Variants in MDGA2 observed in about 807,000 individuals in gnomAD.
The protein encoded by MDGA2 is MAM domain-containing glycosylphosphatidylinositol anchor protein 2.
Under a neutral mutation model 117.8 loss-of-function variants are expected in MDGA2, and 40 were observed. That is an observed-to-expected ratio of 0.34 (90% CI 0.26 to 0.44). MDGA2 has a LOEUF of 0.44. MDGA2 is among the 20% of genes least tolerant of loss of function. MDGA2 has a pLI of 1.00. For missense variants in MDGA2, 1,123 were observed against 1,250.6 expected (o/e 0.90, Z 1.54); for synonymous variants, 452 against 439.0 (o/e 1.03, Z -0.37).
At chr14:46,935,236 C>T (rs1884736232) in intron 9 of MDGA2, among the ~76,000 whole-genome samples, 3 of 152,040 alleles carry the variant, frequency 2.0e-5, no homozygotes, top group Non-Finnish European at 1.5e-5. Context: ...CAGCACAAAT[C>T]GCCCATTTTG....
At chr14:47,171,804 G>A (rs887679985) in intron 3 of MDGA2, among the ~76,000 whole-genome samples, 2 of 152,134 alleles carry the variant, frequency 1.3e-5, no homozygotes, top group Non-Finnish European at 2.9e-5. Flanking sequence ...TCAGGACAGT[G>A]GGTGCAGCAC....
chr14:47,227,595 A>G (rs1594739602), intron 2 of MDGA2, among the ~76,000 whole-genome samples: 1 of 152,308 alleles, frequency 6.6e-6, no homozygotes, highest in East Asian at 1.9e-4. Context: ...CATTAAGGCA[A>G]GGACTATTCG....
At chr14:47,115,052 T>G (rs1881252249) in intron 5 of MDGA2, among the ~76,000 whole-genome samples, 1 of 151,320 alleles carries the variant, frequency 6.6e-6, no homozygotes, top group Non-Finnish European at 1.5e-5. Context: ...ACATAAGAAG[T>G]GGACAAAAGG....
intron 1 of MDGA2, among the ~76,000 whole-genome samples, chr14:47,364,314 G>T (rs1027700320): frequency 6.6e-6 from 1 of 152,166 alleles, no homozygotes; most frequent in African/African-American, 2.4e-5. Context: ...GCACAGGCTA[G>T]AGTGCAGGGA....
chr14:46,932,159 C>T (rs1021474471), intron 9 of MDGA2, among the ~76,000 whole-genome samples: 15 of 151,224 alleles, frequency 9.9e-5, no homozygotes, highest in African/African-American at 3.6e-4. Context: ...GCATAAAGAA[C>T]GATAGCTATT....
At chr14:47,386,825 C>A (rs143441766) in intron 1 of MDGA2, among the ~76,000 whole-genome samples, 1 of 152,216 alleles carries the variant, frequency 6.6e-6, no homozygotes, top group African/African-American at 2.4e-5. Flanking sequence ...AGGCACACTG[C>A]CTGGCTTCAG....
chr14:47,093,643 C>T (rs1430320760), intron 6 of MDGA2, among the ~76,000 whole-genome samples: 1 of 152,088 alleles, frequency 6.6e-6, no homozygotes, highest in Non-Finnish European at 1.5e-5. Flanking sequence ...TAAATGTTCT[C>T]CCAAAGTAGT....
At chr14:46,852,476 A>T (rs545226206) in intron 15 of MDGA2, among the ~76,000 whole-genome samples, 2 of 151,970 alleles carry the variant, frequency 1.3e-5, no homozygotes, top group Non-Finnish European at 2.9e-5. Flanking sequence ...AGGGCAGAAT[A>T]CCAGAGAAAA....
At chr14:47,205,701 C>T (rs911691890) in intron 3 of MDGA2, among the ~76,000 whole-genome samples, 3 of 151,956 alleles carry the variant, frequency 2.0e-5, no homozygotes, top group Non-Finnish European at 4.4e-5. Flanking sequence ...AAAAGTAAGT[C>T]TCTTTGTTAA....
intron 8 of MDGA2, among the ~76,000 whole-genome samples, chr14:46,974,037 C>T (rs1378916646): frequency 6.6e-6 from 1 of 151,530 alleles, no homozygotes; most frequent in Admixed American, 6.6e-5. Context: ...CCACACCCAG[C>T]TAATCAGCTG....
intron 2 of MDGA2, among the ~76,000 whole-genome samples, chr14:47,258,149 A>G (rs1177363016): frequency 6.6e-6 from 1 of 152,134 alleles, no homozygotes; most frequent in Non-Finnish European, 1.5e-5. Context: ...ATCTTCATGT[A>G]GTATGTTCAT....
At chr14:47,174,412 A>C (rs1163864608) in intron 3 of MDGA2, among the ~76,000 whole-genome samples, 1 of 152,174 alleles carries the variant, frequency 6.6e-6, no homozygotes, top group Non-Finnish European at 1.5e-5. Flanking sequence ...AGATCTCCCC[A>C]GCAAATCTAA....
At chr14:46,894,645 A>G (rs1883008733) in intron 10 of MDGA2, among the ~76,000 whole-genome samples, 1 of 152,166 alleles carries the variant, frequency 6.6e-6, no homozygotes, top group Admixed American at 6.5e-5. Flanking sequence ...GTTTGTACTC[A>G]TAACTGTTAC....
intron 1 of MDGA2, among the ~76,000 whole-genome samples, chr14:47,599,659 A>C (rs1896611128): frequency 6.6e-6 from 1 of 152,146 alleles, no homozygotes; most frequent in Non-Finnish European, 1.5e-5. Context: ...GTAGAACTGG[A>C]ATAGATTTTT....
chr14:47,528,535 A>T (rs987434945), intron 1 of MDGA2, among the ~76,000 whole-genome samples: 3 of 152,228 alleles, frequency 2.0e-5, no homozygotes, highest in Non-Finnish European at 2.9e-5. Flanking sequence ...ATTGCCTGAG[A>T]ATAGATTTCC....
intron 1 of MDGA2, among the ~76,000 whole-genome samples, chr14:47,364,891 C>T (rs1261528578): frequency 2.0e-5 from 3 of 152,018 alleles, no homozygotes; most frequent in Non-Finnish European, 4.4e-5. Context: ...CTAGTAGAGC[C>T]AAAATGGAAT....
chr14:47,656,916 C>T (rs1172596189), intron 1 of MDGA2, among the ~76,000 whole-genome samples: 3 of 152,134 alleles, frequency 2.0e-5, no homozygotes, highest in Admixed American at 1.3e-4. Flanking sequence ...TAGAGCGTCA[C>T]GGAATCGATG....
intron 8 of MDGA2, among the ~76,000 whole-genome samples, chr14:46,998,729 A>G (rs777945833): frequency 6.6e-6 from 1 of 152,114 alleles, no homozygotes; most frequent in Non-Finnish European, 1.5e-5. Flanking sequence ...TACTAAATGA[A>G]CACTAATTAT....
intron 1 of MDGA2, among the ~76,000 whole-genome samples, chr14:47,373,881 C>T (rs773856613): frequency 6.6e-6 from 1 of 152,110 alleles, no homozygotes; most frequent in Non-Finnish European, 1.5e-5. Context: ...AACATGATAA[C>T]TGTTTCTTAA....
Sources: gnomAD v4.1 joint callset for allele counts (sites outside exome capture counted in the v4.1 genomes callset) on GRCh38, gnomAD v4.1.1 for gene constraint, MANE v1.5 for transcripts, NCBI Gene and HGNC (gene_info 2026-07-23, HGNC 2026-07-21) for gene names.